VAMP5: variants seen among roughly 807,000 people sequenced by gnomAD.
The protein encoded by VAMP5 is vesicle associated membrane protein 5.
Under a neutral mutation model 8.1 loss-of-function variants are expected in VAMP5, and 10 were observed. That is an observed-to-expected ratio of 1.23 (90% CI 0.76 to 2.09). VAMP5 has a LOEUF of 2.09. Among genes scored for constraint, VAMP5 ranks in the 30% most tolerant of loss-of-function variants. The probability of loss-of-function intolerance (pLI) is 0.00; values close to 1 mark genes in which losing one functional copy is unlikely to be tolerated. For synonymous variants in VAMP5, 62 were observed against 60.6 expected (o/e 1.02, Z -0.11); for missense variants, 135 against 152.5 (o/e 0.89, Z 0.60).
At chr2:85,588,953 T>C (rs1351882935) in intron 1 of VAMP5, among the ~76,000 whole-genome samples, 1 of 152,132 alleles carries the variant, frequency 6.6e-6, no homozygotes, top group East Asian at 1.9e-4. Flanking sequence ...TTGTATTACA[T>C]GTGTCTTTTC....
At chr2:85,586,222 A>G (rs1487571350) in intron 1 of VAMP5, among the ~76,000 whole-genome samples, 1 of 152,142 alleles carries the variant, frequency 6.6e-6, no homozygotes, top group Non-Finnish European at 1.5e-5. Flanking sequence ...CAGATCTTCT[A>G]CTCACTGGCT....
At position 85,593,094 on chromosome 2, in the gene VAMP5, C is replaced by T; in HGVS notation, c.288C>T (p.Ser96=). ...IVLLVVFLPQ[S]SDSSSAPRTQ... is the part of the protein sequence containing the mutation. Reference sequence around the variant, plus strand: ...TGCTGGTCGTCTTTCTCCCTCAGAGCAGTGACAGCAGTAGTGCCCCACGGA... The same window carrying T: ...TGCTGGTCGTCTTTCTCCCTCAGAGTAGTGACAGCAGTAGTGCCCCACGGA... Residue 96 remains serine (S), a synonymous_variant, in exon 3 of 3, where the codon AGC becomes AGT. Coordinates refer to ENST00000306384, the MANE Select transcript of VAMP5 (RefSeq NM_006634.3). The T allele has an allele frequency of 6.2e-7, 1 of 1,614,234 alleles. No individual in the cohort carries two copies. The highest frequency in any genetic ancestry group is 8.5e-7 in the Non-Finnish European group (1 of 1,180,046).
intron 1 of VAMP5, among the ~76,000 whole-genome samples, chr2:85,590,237 C>G (rs929376626): frequency 6.6e-6 from 1 of 152,148 alleles, no homozygotes; most frequent in Non-Finnish European, 1.5e-5. Flanking sequence ...ATGCCTGCCC[C>G]TCGAAACTCA....
intron 1 of VAMP5, among the ~76,000 whole-genome samples, chr2:85,588,140 C>G (rs959159539): frequency 6.6e-6 from 1 of 152,172 alleles, no homozygotes; most frequent in African/African-American, 2.4e-5. Context: ...TGGGCAGGCA[C>G]CACTTTGCCT....
chr2:85,587,030 A>G (rs920940761), intron 1 of VAMP5, among the ~76,000 whole-genome samples: 1 of 151,306 alleles, frequency 6.6e-6, no homozygotes, highest in African/African-American at 2.4e-5. Flanking sequence ...AGTGGAGATC[A>G]CGCCACTGCA....
chr2:85,587,332 C>T (rs1672477913), intron 1 of VAMP5, among the ~76,000 whole-genome samples: 1 of 151,620 alleles, frequency 6.6e-6, no homozygotes, highest in South Asian at 2.1e-4. Context: ...TAGTTCACTG[C>T]AACCTCTGCC....
At position 85,591,501 on chromosome 2, in the gene VAMP5, C is replaced by A. The variant is rs1672536723; in HGVS notation, c.4-224C>A. ...GCCGGGACTTACCTAGGTCCTAGGC[C>A]CTGCCTTGACGTGCAAGGGGAGGAG... On this transcript the variant is annotated intron_variant, in intron 1 of 2. Transcript: ENST00000306384. 19 of 594,402 alleles carry A rather than the reference C, an allele frequency of 3.2e-5. 1 individual carries two copies. In the South Asian group the frequency reaches 3.6e-4, roughly 11 times the overall value. The allele number at this position is 594,402 out of a possible 1,614,324, so 36.8% of individuals were successfully genotyped here. A position where few individuals can be genotyped will look rare whatever the true frequency, so the allele number is the denominator to read the frequency against.
Position 85,593,310 on chromosome 2 carries a change from C to G in VAMP5, c.*153C>G. On this transcript the variant is annotated 3_prime_UTR_variant, in exon 3 of 3. Coordinates refer to ENST00000306384, the MANE Select transcript of VAMP5 (RefSeq NM_006634.3). Reference sequence around the variant, plus strand: ...CCTGCATTTCCTGTCATGCCACAGACTGGCCCTTGAGGGCAGCCTGCTGTA... The same window carrying G: ...CCTGCATTTCCTGTCATGCCACAGAGTGGCCCTTGAGGGCAGCCTGCTGTA... The G allele has an allele frequency of 4.7e-6, 4 of 857,254 alleles. No homozygotes were observed. Among genetic ancestry groups the G allele is most frequent in the Non-Finnish European group, 7.3e-6 (4 of 546,126 alleles). The allele number at this position is 857,254 out of a possible 1,614,324, so 53.1% of individuals were successfully genotyped here.
At position 85,593,053 on chromosome 2, in the gene VAMP5, A is replaced by T. The variant is rs553284722; in HGVS notation, c.247A>T (p.Ile83Phe). 3.1e-6 allele frequency: 5 copies of T among 1,614,212 alleles called. No homozygotes were observed. The Admixed American group carries it at 8.3e-5, about 27-fold the overall frequency. ...GCTGGTGGTGGTTGGTGTCCTGCTC[A>T]TCATCCTGATTGTGCTGCTGGTCGT... is the stretch of plus-strand genomic sequence containing the variant. ...VGLVVVGVLL[I>F]ILIVLLVVFL... Residue 83 changes from isoleucine (I) to phenylalanine (F), a missense_variant, in exon 3 of 3, where the codon ATC becomes TTC. Coordinates refer to ENST00000306384, the MANE Select transcript of VAMP5 (RefSeq NM_006634.3).
intron 1 of VAMP5, among the ~76,000 whole-genome samples, chr2:85,586,658 GAC>G (rs1328255148): frequency 6.6e-6 from 1 of 152,156 alleles, no homozygotes; most frequent in Non-Finnish European, 1.5e-5. Flanking sequence ...GATTAAATGA[GAC>G]AGAGCAAATG....
At chr2:85,586,111 C>A (rs1343705976) in intron 1 of VAMP5, among the ~76,000 whole-genome samples, 3 of 152,242 alleles carry the variant, frequency 2.0e-5, no homozygotes, top group Non-Finnish European at 4.4e-5. Flanking sequence ...CAACCAGATT[C>A]TTTAGCCAAT....
intron 2 of VAMP5, among the ~76,000 whole-genome samples, chr2:85,592,467 A>G (rs1009306401): frequency 9.2e-5 from 14 of 152,108 alleles, no homozygotes; most frequent in African/African-American, 3.1e-4. Context: ...GGTGTTTGAG[A>G]TGAGTCAGGC....
intron 1 of VAMP5, among the ~76,000 whole-genome samples, chr2:85,589,184 C>T (rs548777083): frequency 6.6e-6 from 1 of 152,330 alleles, no homozygotes; most frequent in African/African-American, 2.4e-5. Flanking sequence ...AGACATTATG[C>T]TGAGTGACAG....
At chr2:85,592,190 C>A (rs1282564552) in intron 2 of VAMP5, among the ~76,000 whole-genome samples, 1 of 152,196 alleles carries the variant, frequency 6.6e-6, no homozygotes, top group African/African-American at 2.4e-5. Context: ...CTCTACCTCC[C>A]AGGCTTAAGT....
chr2:85,591,561 A>T lies in VAMP5; in HGVS notation c.4-164A>T, dbSNP rs1408216302. 5 of 1,079,922 alleles carry T rather than the reference A, an allele frequency of 4.6e-6. No homozygotes were observed. In the Admixed American group the frequency reaches 1.4e-4, roughly 29 times the overall value. 66.9% of individuals were successfully genotyped at this position (1,079,922 alleles called of 1,614,324 possible). Reference sequence around the variant, plus strand: ...CTTAAGGTGTGCCGCACTCACCCCGAAGGCCAGACCTTCACTCCGCACACA... The same window carrying T: ...CTTAAGGTGTGCCGCACTCACCCCGTAGGCCAGACCTTCACTCCGCACACA... On this transcript the variant is annotated intron_variant, in intron 1 of 2. Transcript: ENST00000306384.
At chr2:85,590,832 A>C (rs1468507082) in intron 1 of VAMP5, among the ~76,000 whole-genome samples, 3 of 152,168 alleles carry the variant, frequency 2.0e-5, no homozygotes, top group Admixed American at 6.5e-5. Flanking sequence ...TCTCTCTGTT[A>C]CGTGCACCCA....
intron 1 of VAMP5, among the ~76,000 whole-genome samples, chr2:85,586,487 A>AATCG (rs1672460752): frequency 6.6e-6 from 1 of 151,590 alleles, no homozygotes. Flanking sequence ...GAGGCAGGAG[A>AATCG]ATCGCTTGAA....
chr2:85,593,302 G>T lies in VAMP5; in HGVS notation c.*145G>T, dbSNP rs1329929467. 1.9e-5 allele frequency: 17 copies of T among 888,412 alleles called. No individual in the cohort carries two copies. The highest frequency in any genetic ancestry group is 4.2e-5 in the Admixed American group (2 of 47,286). 55.0% of individuals were successfully genotyped at this position (888,412 alleles called of 1,614,324 possible). A position where few individuals can be genotyped will look rare whatever the true frequency, so the allele number is the denominator to read the frequency against. On this transcript the variant is annotated 3_prime_UTR_variant, in exon 3 of 3. Transcript: ENST00000306384. The stretch of plus-strand genomic sequence containing the variant: ...TGTGCACCCCTGCATTTCCTGTCAT[G>T]CCACAGACTGGCCCTTGAGGGCAGC...
intron 1 of VAMP5, 151 bp downstream of exon 1, chr2:85,584,644 G>A (rs1672437285): frequency 4.0e-6 from 4 of 1,002,650 alleles, no homozygotes; most frequent in African/African-American, 1.7e-5. Context: ...GGAGCAGGAC[G>A]GGGCGGACCC....
Sources: gnomAD v4.1 joint callset for allele counts (sites outside exome capture counted in the v4.1 genomes callset) on GRCh38, gnomAD v4.1.1 for gene constraint, MANE v1.5 for transcripts, NCBI Gene and HGNC (gene_info 2026-07-23, HGNC 2026-07-21) for gene names.